FBXW7: variants seen among roughly 807,000 people sequenced by gnomAD.
The protein encoded by FBXW7 is F-box/WD repeat-containing protein 7.
In FBXW7, 11 loss-of-function variants were observed where a neutral mutation model predicts 86.3. The observed-to-expected ratio is 0.13, with a 90% CI of 0.08 to 0.21. The LOEUF (loss-of-function observed/expected upper bound fraction) is 0.21. FBXW7 is among the 10% of genes least tolerant of loss of function. The pLI is 1.00. For synonymous variants in FBXW7, 313 were observed against 297.9 expected (o/e 1.05, Z -0.52); for missense variants, 488 against 847.4 (o/e 0.58, Z 5.27).
At chr4:152,375,935 T>C (rs1477570428) in intron 4 of FBXW7, among the ~76,000 whole-genome samples, 1 of 152,024 alleles carries the variant, frequency 6.6e-6, no homozygotes, top group Non-Finnish European at 1.5e-5. Flanking sequence ...ACAATCTAAA[T>C]CAACAATAGT....
At chr4:152,471,737 A>G (rs1286656961) in intron 2 of FBXW7, among the ~76,000 whole-genome samples, 2 of 151,764 alleles carry the variant, frequency 1.3e-5, no homozygotes, top group Admixed American at 1.3e-4. Flanking sequence ...TGTCTCTACA[A>G]AAAAATTTAA....
At chr4:152,386,944 T>C (rs1419224824) in intron 4 of FBXW7, among the ~76,000 whole-genome samples, 1 of 152,166 alleles carries the variant, frequency 6.6e-6, no homozygotes, top group Non-Finnish European at 1.5e-5. Flanking sequence ...AAAAATACCA[T>C]CACAGCAATT....
chr4:152,499,943 C>T (rs1260010918), intron 2 of FBXW7, among the ~76,000 whole-genome samples: 4 of 152,160 alleles, frequency 2.6e-5, no homozygotes, highest in African/African-American at 9.7e-5. Flanking sequence ...CATCTCTGAT[C>T]ATCATGCCTG....
intron 2 of FBXW7, among the ~76,000 whole-genome samples, chr4:152,490,167 AG>A (rs889615572): frequency 3.3e-5 from 5 of 152,126 alleles, no homozygotes; most frequent in Non-Finnish European, 5.9e-5. Flanking sequence ...CCAGGAAATC[AG>A]GGGAGGAAAG....
intron 2 of FBXW7, among the ~76,000 whole-genome samples, chr4:152,503,362 C>G (rs780459645): frequency 6.6e-6 from 1 of 152,042 alleles, no homozygotes; most frequent in Non-Finnish European, 1.5e-5. Flanking sequence ...CCTCCACCTC[C>G]CAGGTTCAAG....
At chr4:152,526,830 T>C (rs184287125) in intron 2 of FBXW7, among the ~76,000 whole-genome samples, 18 of 152,360 alleles carry the variant, frequency 1.2e-4, no homozygotes, top group African/African-American at 3.8e-4. Flanking sequence ...ATTCCAGTTA[T>C]GTTCAAATCA....
At chr4:152,516,942 C>T (rs1748548145) in intron 2 of FBXW7, among the ~76,000 whole-genome samples, 1 of 152,194 alleles carries the variant, frequency 6.6e-6, no homozygotes, top group African/African-American at 2.4e-5. Context: ...CCTCCTGCCT[C>T]AGCCTCCCAA....
intron 2 of FBXW7, among the ~76,000 whole-genome samples, chr4:152,430,122 A>G (rs1739755176): frequency 6.6e-6 from 1 of 152,214 alleles, no homozygotes; most frequent in Non-Finnish European, 1.5e-5. Context: ...AACAAATCTG[A>G]AATCAGTGCT....
Position 152,411,846 on chromosome 4 carries a change from A to C in FBXW7, c.-43T>G. The C allele has an allele frequency of 6.5e-7, 1 of 1,532,648 alleles. No homozygotes were observed. The highest frequency in any genetic ancestry group is 8.8e-7 in the Non-Finnish European group (1 of 1,140,564). The allele number at this position is 1,532,648 out of a possible 1,614,324, so 94.9% of individuals were successfully genotyped here. A position where few individuals can be genotyped will look rare whatever the true frequency, so the allele number is the denominator to read the frequency against. ...CTACTTCTTGGACCTTGGCTAGACTATCAGAAGATGCAAAGGTTTTCACAT... is the reference window on the plus strand; with the variant it reads ...CTACTTCTTGGACCTTGGCTAGACTCTCAGAAGATGCAAAGGTTTTCACAT... On this transcript the variant is annotated 5_prime_UTR_variant, in exon 4 of 14. Coordinates refer to ENST00000281708, the MANE Select transcript of FBXW7 (RefSeq NM_001349798.2).
intron 2 of FBXW7, among the ~76,000 whole-genome samples, chr4:152,480,460 C>T (rs750637743): frequency 2.3e-4 from 35 of 152,072 alleles, no homozygotes; most frequent in Non-Finnish European, 4.9e-4. Context: ...AATTAATAAC[C>T]CCACAATGGC....
intron 2 of FBXW7, among the ~76,000 whole-genome samples, chr4:152,447,790 TC>T (rs761570046): frequency 2.0e-5 from 3 of 152,112 alleles, no homozygotes; most frequent in African/African-American, 4.8e-5. Flanking sequence ...ACTCAAGAGA[TC>T]AAGAACCTTA....
intron 4 of FBXW7, among the ~76,000 whole-genome samples, chr4:152,401,641 A>G (rs1022468337): frequency 6.6e-6 from 1 of 152,198 alleles, no homozygotes; most frequent in African/African-American, 2.4e-5. Flanking sequence ...CCACACCCAC[A>G]GAGTGCACAA....
chr4:152,404,047 C>G (rs1737191144), intron 4 of FBXW7, among the ~76,000 whole-genome samples: 1 of 152,092 alleles, frequency 6.6e-6, no homozygotes, highest in Non-Finnish European at 1.5e-5. Context: ...CAGGGTAACA[C>G]CTGAGCCCTA....
At chr4:152,357,180 C>T (rs568893562) in intron 4 of FBXW7, among the ~76,000 whole-genome samples, 1 of 152,188 alleles carries the variant, frequency 6.6e-6, no homozygotes, top group East Asian at 1.9e-4. Context: ...GATAATCTTA[C>T]TTTACTTAAA....
At chr4:152,333,184 A>G (rs1729734302) in intron 7 of FBXW7, among the ~76,000 whole-genome samples, 1 of 152,292 alleles carries the variant, frequency 6.6e-6, no homozygotes. Context: ...ATCATAATTA[A>G]CAGTCTTCAA....
intron 2 of FBXW7, among the ~76,000 whole-genome samples, chr4:152,431,095 G>A: frequency 6.6e-6 from 1 of 152,202 alleles, no homozygotes; most frequent in Admixed American, 6.5e-5. Flanking sequence ...CGATTGCCAG[G>A]CATATTCATC....
At chr4:152,455,175 G>C (rs1742293137) in intron 2 of FBXW7, among the ~76,000 whole-genome samples, 1 of 152,044 alleles carries the variant, frequency 6.6e-6, no homozygotes, top group Non-Finnish European at 1.5e-5. Context: ...ACATAAATCT[G>C]TCACTTTAAT....
chr4:152,337,700 A>G (rs2126580532), intron 7 of FBXW7, 102 bp downstream of exon 7: 2 of 1,235,002 alleles, frequency 1.6e-6, no homozygotes, highest in Non-Finnish European at 2.3e-6. Context: ...TCAAACTGAC[A>G]ATACCGAATA....
intron 2 of FBXW7, among the ~76,000 whole-genome samples, chr4:152,496,126 G>T (rs981441580): frequency 2.0e-5 from 3 of 152,132 alleles, no homozygotes; most frequent in African/African-American, 7.2e-5. Context: ...GTGGTGAGCA[G>T]TGACCACACC....
Sources: allele counts gnomAD v4.1 joint callset (sites outside exome capture counted in the v4.1 genomes callset), GRCh38; gene constraint gnomAD v4.1.1; transcripts MANE v1.5; gene names NCBI Gene and HGNC (gene_info 2026-07-23, HGNC 2026-07-21).